The following DUSP16 variants were observed in gnomAD, a reference collection of about 807,000 sequenced individuals.
DUSP16 encodes dual specificity protein phosphatase 16.
A neutral mutation model predicts 58.3 loss-of-function variants in DUSP16; 21 were observed. The ratio of observed to expected loss-of-function variants is 0.36; its 90% CI spans 0.26 to 0.52. DUSP16 has a LOEUF of 0.52. Among genes scored for constraint, DUSP16 ranks in the 20% least tolerant of loss-of-function variants. DUSP16 has a pLI of 0.94. For synonymous variants in DUSP16, 320 were observed against 323.8 expected, an observed-to-expected ratio of 0.99 and a Z score of 0.12; for missense variants, 726 against 819.0, an observed-to-expected ratio of 0.89 and a Z score of 1.39.
intron 1 of DUSP16, among the ~76,000 whole-genome samples, chr12:12,561,477 G>A (rs958874084): frequency 6.6e-6 from 1 of 152,168 alleles, no homozygotes; most frequent in African/African-American, 2.4e-5. Flanking sequence ...CACAGACCCT[G>A]GGCTTTTTTA....
rs200573264 is a variant in DUSP16 at position 12,477,707 on chromosome 12, G to A, written c.1124C>T (p.Pro375Leu). The A allele has an allele frequency of 7.6e-5, 123 of 1,613,046 alleles. No homozygotes were observed. In the East Asian group the frequency reaches 1.5e-3, roughly 20 times the overall value. ...SVQPSLLEDS[P>L]LVQALSGLHL... ...CAGCCCACTGAGCGCCTGTACCAGCGGGCTGTCCTCTAACAGCGACGGCTG... is the reference window on the plus strand; with the variant it reads ...CAGCCCACTGAGCGCCTGTACCAGCAGGCTGTCCTCTAACAGCGACGGCTG... Residue 375 changes from proline (P) to leucine (L), a missense_variant, in exon 7 of 7, where the codon CCG (proline) becomes CTG (leucine). Pro to Leu is a moderately conservative substitution (Grantham distance 98). Coordinates refer to ENST00000298573, the MANE Select transcript of DUSP16 (RefSeq NM_030640.3). The surrounding 1 kb of genome is among the most constrained non-coding windows in gnomAD (Gnocchi z 4.1).
chr12:12,499,045 A>G (rs1003033845), intron 4 of DUSP16, among the ~76,000 whole-genome samples: 3 of 152,222 alleles, frequency 2.0e-5, no homozygotes, highest in Non-Finnish European at 2.9e-5. Flanking sequence ...TTTAACCAAC[A>G]TATTTATTAA....
intron 4 of DUSP16, 135 bp from the exon 5 acceptor site, chr12:12,487,322 CA>C: frequency 3.1e-6 from 3 of 976,798 alleles, no homozygotes; most frequent in Non-Finnish European, 4.3e-6. Context: ...CAGTGAAGTC[CA>C]AAAACCTAGC....
intron 3 of DUSP16, among the ~76,000 whole-genome samples, chr12:12,515,453 G>A (rs1434419191): frequency 1.3e-5 from 2 of 151,516 alleles, no homozygotes; most frequent in Non-Finnish European, 2.9e-5. Context: ...TCAGCTTCCT[G>A]AGCAGCTAGG....
rs746236950 is a variant in DUSP16 at position 12,478,019 on chromosome 12, CAG to C, written c.816-6_816-5del. ...AGGTCTTTTTTCTTTCACAAATCTG[CAG>C]AGAGAGGAAAAAACAAAAACCCGAA... On this transcript the variant is annotated splice_region_variant and splice_polypyrimidine_tract_variant and intron_variant, in intron 6 of 6. Coordinates refer to ENST00000298573, the MANE Select transcript of DUSP16 (RefSeq NM_030640.3). 2.3e-5 allele frequency: 36 copies of C among 1,557,324 alleles called. No homozygotes were observed. The highest frequency in any genetic ancestry group is 4.2e-5 in the Admixed American group (2 of 48,132).
rs144667478 is a variant in DUSP16, at chr12:12,515,705, A to G, written c.367+4157T>C. ...GGTCTTTAAATTGTACTTATTCAATAACCTGACTTCAAAATTGAAAAAAAA... is the reference window on the plus strand; with the variant it reads ...GGTCTTTAAATTGTACTTATTCAATGACCTGACTTCAAAATTGAAAAAAAA... On this transcript the variant is annotated intron_variant, in intron 3 of 6. Coordinates refer to ENST00000298573, the MANE Select transcript of DUSP16 (RefSeq NM_030640.3). 2.6e-5 allele frequency among the ~76,000 whole-genome samples: 4 copies of G among 152,222 alleles called. No individual in the cohort carries two copies. The East Asian group carries it at 7.7e-4, about 29-fold the overall frequency.
chr12:12,528,208 T>C (rs951077384), intron 1 of DUSP16, among the ~76,000 whole-genome samples: 1 of 152,090 alleles, frequency 6.6e-6, no homozygotes, highest in Non-Finnish European at 1.5e-5. Context: ...CCCATGTATG[T>C]ATCCTAGACA....
At chr12:12,555,602 T>C (rs913239764) in intron 1 of DUSP16, among the ~76,000 whole-genome samples, 1 of 152,232 alleles carries the variant, frequency 6.6e-6, no homozygotes, top group Non-Finnish European at 1.5e-5. Context: ...CTTTTTTCTA[T>C]AAACGCAATT....
intron 1 of DUSP16, among the ~76,000 whole-genome samples, chr12:12,543,279 C>T (rs1317625031): frequency 6.6e-6 from 1 of 152,080 alleles, no homozygotes; most frequent in Non-Finnish European, 1.5e-5. Context: ...TGTCCTTGTT[C>T]TTCGGAGACC....
chr12:12,509,282 A>G lies in DUSP16; in HGVS notation c.368-8600T>C, dbSNP rs76517525. ...CCGCCTTTAGGCTTTTGAAAAGTCA[A>G]CCTTTCCAATCCATTTTGTATTTCC... On this transcript the variant is annotated intron_variant, in intron 3 of 6. Coordinates refer to ENST00000298573, the MANE Select transcript of DUSP16 (RefSeq NM_030640.3). Among the ~76,000 whole-genome samples the G allele has an allele frequency of 9.1e-3, 1,382 of 152,312 alleles. 21 individuals are homozygous for G. Among genetic ancestry groups the G allele is most frequent in the African/African-American group, 0.031 (1,283 of 41,566 alleles).
intron 4 of DUSP16, among the ~76,000 whole-genome samples, chr12:12,497,768 G>A (rs960725315): frequency 1.3e-5 from 2 of 151,906 alleles, no homozygotes; most frequent in Non-Finnish European, 2.9e-5. Flanking sequence ...TCAGGAGATC[G>A]AGACCATCCT....
At chr12:12,514,931 A>G (rs11054947) in intron 3 of DUSP16, among the ~76,000 whole-genome samples, 2 of 151,924 alleles carry the variant, frequency 1.3e-5, no homozygotes, top group African/African-American at 4.8e-5. Context: ...AGTGTTGGGA[A>G]TACAGGCATA....
rs761142479 is a variant in DUSP16 at position 12,547,531 on chromosome 12, TAA to T, written c.-366+14584_-366+14585del. On this transcript the variant is annotated intron_variant, in intron 1 of 6. Transcript: ENST00000298573. Reference sequence around the variant, plus strand: ...ACTTCCTTATGACTGTGAGTAGGCTTAAAAAAAAAAAAAAAAAAAAAAAAAAG... The same window carrying T: ...ACTTCCTTATGACTGTGAGTAGGCTTAAAAAAAAAAAAAAAAAAAAAAAAG... 1.8e-3 allele frequency among the ~76,000 whole-genome samples: 121 copies of T among 66,678 alleles called. 1 individual carries two copies. The East Asian group carries it at 0.019, about 10-fold the overall frequency. 43.7% of individuals were successfully genotyped at this position (66,678 alleles called of 152,430 possible).
intron 4 of DUSP16, among the ~76,000 whole-genome samples, chr12:12,492,032 C>T (rs1943767538): frequency 6.6e-6 from 1 of 152,198 alleles, no homozygotes; most frequent in Non-Finnish European, 1.5e-5. Flanking sequence ...CCTCTGCCCT[C>T]ATCAATTGTT....
chr12:12,492,539 T>C (rs1460362146), intron 4 of DUSP16, among the ~76,000 whole-genome samples: 7 of 152,148 alleles, frequency 4.6e-5, no homozygotes, highest in African/African-American at 1.7e-4. Flanking sequence ...AATTTTCCAC[T>C]GTACAGGATC....
At chr12:12,517,513 G>A (rs571740846) in intron 3 of DUSP16, among the ~76,000 whole-genome samples, 1 of 152,290 alleles carries the variant, frequency 6.6e-6, no homozygotes, top group Admixed American at 6.5e-5. Flanking sequence ...CAATAAAACA[G>A]TTTCCCAAGA....
rs779723853 is a variant in DUSP16, at chr12:12,476,804, G to A, written c.*29C>T. The A allele has an allele frequency of 1.3e-6, 2 of 1,522,028 alleles. No individual in the cohort carries two copies. Among genetic ancestry groups the A allele is most frequent in the Non-Finnish European group, 1.8e-6 (2 of 1,142,020 alleles). 94.3% of individuals were successfully genotyped at this position (1,522,028 alleles called of 1,614,324 possible). A position where few individuals can be genotyped will look rare whatever the true frequency, so the allele number is the denominator to read the frequency against. On this transcript the variant is annotated 3_prime_UTR_variant, in exon 7 of 7. Transcript: ENST00000298573. ...TTTTTGTGAACAAGAAAAAAAAATT[G>A]TCTATAGAAGTCACAAGTGTCTTTC...
Position 12,488,169 on chromosome 12 carries a change from C to T in DUSP16, c.532-982G>A, listed in dbSNP as rs541631688. Among the ~76,000 whole-genome samples, 27 of 152,300 alleles carry T rather than the reference C, an allele frequency of 1.8e-4. No homozygotes were observed. The South Asian group carries it at 5.0e-3, about 28-fold the overall frequency. ...CTCCTGTCCCATATAGCACCCCCAACGTCAAATGTATACCCACCCTCTGTT... is the reference window on the plus strand; with the variant it reads ...CTCCTGTCCCATATAGCACCCCCAATGTCAAATGTATACCCACCCTCTGTT... On this transcript the variant is annotated intron_variant, in intron 4 of 6. Transcript: ENST00000298573.
intron 1 of DUSP16, among the ~76,000 whole-genome samples, chr12:12,558,429 T>A (rs778925672): frequency 2.7e-4 from 41 of 152,064 alleles, no homozygotes; most frequent in Non-Finnish European, 5.7e-4. Context: ...TTGCCCAAGC[T>A]GGAGCGCAGC....
Sources: gnomAD v4.1 joint callset for allele counts (sites outside exome capture counted in the v4.1 genomes callset) on GRCh38, gnomAD v4.1.1 for gene constraint, Gnocchi (gnomAD v3.1) non-coding constraint, MANE v1.5 for transcripts, NCBI Gene and HGNC (gene_info 2026-07-23, HGNC 2026-07-21) for gene names.